The following OTUD7A variants were observed in gnomAD, a reference collection of about 807,000 sequenced individuals.
OTUD7A encodes the protein OTU domain-containing protein 7A.
OTUD7A carries 12 observed loss-of-function variants against 65.7 expected under a neutral mutation model. The observed-to-expected ratio is 0.18, with a 90% CI of 0.12 to 0.30. The LOEUF (loss-of-function observed/expected upper bound fraction) is 0.30, where lower values mean the gene tolerates loss of function less well. OTUD7A is among the 10% of genes least tolerant of loss of function. The pLI, the probability that OTUD7A is intolerant of heterozygous loss-of-function variation, is 1.00. For synonymous variants in OTUD7A, 641 were observed against 586.3 expected, an observed-to-expected ratio of 1.09 and a Z score of -1.35; for missense variants, 1,148 against 1,304.8, an observed-to-expected ratio of 0.88 and a Z score of 1.85.
At chr15:31,759,600 C>T (rs1894906682) in intron 1 of OTUD7A, among the ~76,000 whole-genome samples, 1 of 152,206 alleles carries the variant, frequency 6.6e-6, no homozygotes, top group Non-Finnish European at 1.5e-5. Context: ...GTGGTGTGAT[C>T]TCAGCTCACT....
intron 3 of OTUD7A, among the ~76,000 whole-genome samples, chr15:31,576,620 T>G (rs1889211252): frequency 6.6e-6 from 1 of 152,166 alleles, no homozygotes; most frequent in African/African-American, 2.4e-5. Context: ...CTGACCACCT[T>G]GGGTACATGC....
At chr15:31,632,413 G>C (rs1046150108) in intron 3 of OTUD7A, among the ~76,000 whole-genome samples, 4 of 152,242 alleles carry the variant, frequency 2.6e-5, no homozygotes, top group African/African-American at 9.6e-5. Context: ...GGTGCCTGTA[G>C]AACAGCGGTG....
In OTUD7A at chr15:31,782,620, C is replaced by T. The variant is rs192655122; in HGVS notation, c.-100+87887G>A. On this transcript the variant is annotated intron_variant, in intron 1 of 12. Coordinates refer to ENST00000307050, the MANE Select transcript of OTUD7A (RefSeq NM_001382637.1). ...TGAAGGGTGGCGGCAGCAGTACTGG[C>T]CAGAGGCGCTGGGACCCAGGAGAGG... Among the ~76,000 whole-genome samples the T allele has an allele frequency of 9.0e-4, 137 of 152,186 alleles. 1 individual carries two copies. Among genetic ancestry groups the T allele is most frequent in the African/African-American group, 3.2e-3 (133 of 41,516 alleles).
chr15:31,629,166 A>G (rs77186570), intron 3 of OTUD7A, among the ~76,000 whole-genome samples: 43,448 of 151,798 alleles, frequency 0.29, 7,336 homozygotes, highest in African/African-American at 0.47. Context: ...TCCCTGTCTT[A>G]TGCCAGTTTT....
chr15:31,483,716 C>A lies in OTUD7A; in HGVS notation c.2380G>T (p.Ala794Ser). The change falls in exon 13 of 13, where the codon GCC becomes TCC. Residue 794 changes from alanine to serine, a missense_variant. Transcript: ENST00000307050. ...GCGCACGGCCGCAGCGCCCCCACGGCCGGCGCGCACGCCTCGTCCCGCGCG... is the reference window on the plus strand; with the variant it reads ...GCGCACGGCCGCAGCGCCCCCACGGACGGCGCGCACGCCTCGTCCCGCGCG... The part of the protein sequence containing the change: ...SGARDEACAP[A>S]VGALRPCATY... 1 of 1,138,190 alleles carries A rather than the reference C, an allele frequency of 8.8e-7. No homozygotes were observed. Among genetic ancestry groups the A allele is most frequent in the Non-Finnish European group, 1.1e-6 (1 of 930,082 alleles). The allele number at this position is 1,138,190 out of a possible 1,614,324, so 70.5% of individuals were successfully genotyped here.
chr15:31,631,678 G>T (rs1304550394), intron 3 of OTUD7A, among the ~76,000 whole-genome samples: 2 of 152,208 alleles, frequency 1.3e-5, no homozygotes, highest in Non-Finnish European at 2.9e-5. Context: ...ATATCCTGCA[G>T]AGTGTTTTCC....
At chr15:31,805,431 T>C (rs1269532912) in intron 1 of OTUD7A, among the ~76,000 whole-genome samples, 1 of 152,176 alleles carries the variant, frequency 6.6e-6, no homozygotes, top group Non-Finnish European at 1.5e-5. Context: ...CACAGGGCCC[T>C]GTATGCAGGA....
chr15:31,671,341 T>C (rs1006034604), intron 1 of OTUD7A, among the ~76,000 whole-genome samples: 1 of 152,240 alleles, frequency 6.6e-6, no homozygotes, highest in African/African-American at 2.4e-5. Flanking sequence ...CCTTTCCCCA[T>C]TGCTTGTTTT....
rs1325423302 is a variant in OTUD7A at position 31,716,375 on chromosome 15, T to C, written c.-99-59298A>G. On this transcript the variant is annotated intron_variant, in intron 1 of 12. Transcript: ENST00000307050. ...ATTATTACATATGTTATTTCAATAA[T>C]GGAATTTGTATTAACACCTTTGCTC... Among the ~76,000 whole-genome samples the C allele has an allele frequency of 4.1e-4, 43 of 106,064 alleles. 2 individuals are homozygous for C. Among genetic ancestry groups the C allele is most frequent in the African/African-American group, 9.2e-4 (34 of 36,934 alleles). 69.6% of individuals were successfully genotyped at this position (106,064 alleles called of 152,430 possible).
chr15:31,553,993 C>G (rs186853393), intron 5 of OTUD7A, among the ~76,000 whole-genome samples: 2 of 152,320 alleles, frequency 1.3e-5, no homozygotes, highest in Admixed American at 1.3e-4. Flanking sequence ...TAGCGCCCGG[C>G]TCCCATTCTC....
intron 1 of OTUD7A, among the ~76,000 whole-genome samples, chr15:31,855,220 A>T (rs1169657383): frequency 3.3e-5 from 5 of 151,928 alleles, no homozygotes; most frequent in African/African-American, 9.7e-5. Flanking sequence ...GAAACATTCA[A>T]GTAAATTAAC....
Position 31,599,392 on chromosome 15 carries a change from T to C in OTUD7A, c.152-29195A>G, listed in dbSNP as rs1378780894. ...GGTCTGGAGTGGACCTCCAGCAAAC[T>C]CCAGCAGGCCTGCAGCAGAGGGGCC... On this transcript the variant is annotated intron_variant, in intron 3 of 12. Coordinates refer to ENST00000307050, the MANE Select transcript of OTUD7A (RefSeq NM_001382637.1). 2.6e-5 allele frequency among the ~76,000 whole-genome samples: 4 copies of C among 152,112 alleles called. No homozygotes were observed. In the South Asian group the frequency reaches 8.3e-4, roughly 32 times the overall value.
At chr15:31,806,425 G>GA (rs1212487950) in intron 1 of OTUD7A, among the ~76,000 whole-genome samples, 1 of 152,174 alleles carries the variant, frequency 6.6e-6, no homozygotes, top group African/African-American at 2.4e-5. Context: ...ATAATCACTG[G>GA]AAAATGAGTC....
intron 1 of OTUD7A, among the ~76,000 whole-genome samples, chr15:31,800,436 C>G (rs1458535292): frequency 1.3e-5 from 2 of 152,154 alleles, no homozygotes; most frequent in African/African-American, 4.8e-5. Context: ...AGCAGCCAAT[C>G]GAGGACACTG....
At chr15:31,628,649 T>C (rs1891041228) in intron 3 of OTUD7A, among the ~76,000 whole-genome samples, 1 of 152,172 alleles carries the variant, frequency 6.6e-6, no homozygotes, top group Non-Finnish European at 1.5e-5. Context: ...GGTAGCTTGA[T>C]GGGGATGGCA....
intron 10 of OTUD7A, among the ~76,000 whole-genome samples, chr15:31,491,681 A>G (rs968795988): frequency 2.0e-5 from 3 of 152,210 alleles, no homozygotes; most frequent in African/African-American, 7.2e-5. Context: ...AAAAAGTAAC[A>G]CCACCACAAA....
intron 1 of OTUD7A, among the ~76,000 whole-genome samples, chr15:31,746,449 G>A (rs1160211773): frequency 6.6e-6 from 1 of 151,612 alleles, no homozygotes; most frequent in Non-Finnish European, 1.5e-5. Context: ...CGGCCATATG[G>A]GTAAATCTCA....
At chr15:31,813,102 G>A (rs1457445687) in intron 1 of OTUD7A, among the ~76,000 whole-genome samples, 1 of 152,150 alleles carries the variant, frequency 6.6e-6, no homozygotes, top group Non-Finnish European at 1.5e-5. Flanking sequence ...CGGGGAGCCC[G>A]GGAATTGCTG....
intron 1 of OTUD7A, among the ~76,000 whole-genome samples, chr15:31,696,244 T>C (rs1314851375): frequency 6.6e-5 from 9 of 135,892 alleles, no homozygotes; most frequent in Admixed American, 6.1e-4. Flanking sequence ...CGCTGGCGTG[T>C]TGAGGCCAGC....
Sources: allele counts gnomAD v4.1 joint callset (sites outside exome capture counted in the v4.1 genomes callset), GRCh38; gene constraint gnomAD v4.1.1; transcripts MANE v1.5; gene names NCBI Gene and HGNC (gene_info 2026-07-23, HGNC 2026-07-21).